The following MTM1 variants were observed in gnomAD, a reference collection of about 807,000 sequenced individuals.
The protein encoded by MTM1 is myotubularin 1, also known as myotubularin.
MTM1 carries 9 observed loss-of-function variants against 52.1 expected under a neutral mutation model. The ratio of observed to expected loss-of-function variants is 0.17; its 90% confidence interval spans 0.10 to 0.30. The LOEUF is 0.30. Among genes scored for constraint, MTM1 ranks in the 10% least tolerant of loss-of-function variants. The pLI, the probability that MTM1 is intolerant of heterozygous loss-of-function variation, is 1.00. For synonymous variants in MTM1, 136 were observed against 163.8 expected, an observed-to-expected ratio of 0.83 and a Z score of 1.29; for missense variants, 277 against 470.7, an observed-to-expected ratio of 0.59 and a Z score of 3.81.
At chrX:150,582,172 T>A (rs1375233729) in intron 1 of MTM1, among the ~76,000 whole-genome samples, 2 of 111,609 alleles carry the variant, frequency 1.8e-5, no homozygotes, top group Non-Finnish European at 3.8e-5. Context: ...AGCTGCCCAC[T>A]ATATAGTTAC....
At position 150,641,012 on chromosome X, in the gene MTM1, C is replaced by G. The variant is rs55824675; in HGVS notation, c.529-257C>G. ...TATGTGGACACAAAATAAAGGAAGA[C>G]GAATTCCTTTGAATTCAAGAGAATC... On this transcript the variant is annotated intron_variant, in intron 7 of 14. Transcript: ENST00000370396. Among the ~76,000 whole-genome samples the G allele has an allele frequency of 0.059, 6,627 of 111,587 alleles. 163 individuals are homozygous for G. Among genetic ancestry groups the G allele is most frequent in the Non-Finnish European group, 0.078 (4,143 of 53,041 alleles).
chrX:150,639,087 A>AC, intron 7 of MTM1, 61 bp downstream of exon 7: 3 of 891,754 alleles, frequency 3.4e-6, no homozygotes, highest in Non-Finnish European at 5.0e-6. Flanking sequence ...TTATGACAGT[A>AC]TGTCATCAGC....
chrX:150,589,686 C>T (rs1310160835), intron 1 of MTM1, among the ~76,000 whole-genome samples: 1 of 109,872 alleles, frequency 9.1e-6, no homozygotes, highest in Non-Finnish European at 1.9e-5. Context: ...CTTGTACACA[C>T]CTGTCTAGTA....
At chrX:150,645,062 C>G (rs1386731419) in intron 8 of MTM1, among the ~76,000 whole-genome samples, 1 of 111,918 alleles carries the variant, frequency 8.9e-6, no homozygotes, top group African/African-American at 3.2e-5. Context: ...AGCAAATGTG[C>G]TAGACTTGTG....
chrX:150,628,015 C>T (rs2039599613), intron 6 of MTM1, among the ~76,000 whole-genome samples: 1 of 111,373 alleles, frequency 9.0e-6, no homozygotes, highest in Non-Finnish European at 1.9e-5. Context: ...ATAATCTAGA[C>T]AGGAAGGTTC....
At chrX:150,616,163 C>T (rs781979118) in intron 5 of MTM1, among the ~76,000 whole-genome samples, 2 of 111,556 alleles carry the variant, frequency 1.8e-5, no homozygotes, top group Admixed American at 9.5e-5. Context: ...ACATTTTCAC[C>T]CTTGACTATT....
chrX:150,574,880 T>G (rs1053007144), intron 1 of MTM1, among the ~76,000 whole-genome samples: 4 of 112,060 alleles, frequency 3.6e-5, no homozygotes, highest in Non-Finnish European at 7.5e-5. Context: ...ACATCAGGTC[T>G]CATATGAATC....
intron 6 of MTM1, among the ~76,000 whole-genome samples, chrX:150,624,877 C>G (rs1352491623): frequency 8.9e-6 from 1 of 112,347 alleles, no homozygotes. Context: ...AATATAGTCA[C>G]TTAAATCTGC....
chrX:150,586,706 G>C (rs1301855628), intron 1 of MTM1, among the ~76,000 whole-genome samples: 1 of 110,676 alleles, frequency 9.0e-6, no homozygotes. Context: ...TTGAGGTCAG[G>C]GGTTCAAGAC....
chrX:150,659,336 A>G (rs1311702621), intron 11 of MTM1, among the ~76,000 whole-genome samples: 4 of 112,091 alleles, frequency 3.6e-5, no homozygotes, highest in African/African-American at 1.3e-4. Flanking sequence ...TTGCTAACAT[A>G]CTATGTAGGA....
chrX:150,663,661 A>G, intron 14 of MTM1, 52 bp downstream of exon 14: 5 of 1,093,596 alleles, frequency 4.6e-6, no homozygotes, highest in Non-Finnish European at 6.3e-6. Context: ...CTTGCCTTAG[A>G]TAATGTTATT....
At chrX:150,611,464 T>C (rs1397307595) in intron 4 of MTM1, among the ~76,000 whole-genome samples, 3 of 112,192 alleles carry the variant, frequency 2.7e-5, no homozygotes, top group Admixed American at 9.4e-5. Flanking sequence ...CTCTACATTA[T>C]GATAATTATA....
At chrX:150,591,144 T>C (rs2038877841) in intron 1 of MTM1, 1 of 358,068 alleles carries the variant, frequency 2.8e-6, no homozygotes, top group Non-Finnish European at 3.6e-6. Context: ...AATTTTGCAT[T>C]GTGCTACCTG....
intron 10 of MTM1, among the ~76,000 whole-genome samples, chrX:150,651,525 T>C (rs1366526115): frequency 4.8e-5 from 5 of 104,911 alleles, no homozygotes; most frequent in African/African-American, 1.8e-4. Context: ...TTGGTGAGGA[T>C]GACAAATTCA....
chrX:150,578,131 A>G (rs2038505286), intron 1 of MTM1, among the ~76,000 whole-genome samples: 1 of 111,980 alleles, frequency 8.9e-6, no homozygotes, highest in Admixed American at 9.5e-5. Context: ...TCAGCACAAA[A>G]CCCTTAAAAG....
chrX:150,654,652 G>C (rs782185729), intron 10 of MTM1, among the ~76,000 whole-genome samples: 2 of 111,370 alleles, frequency 1.8e-5, no homozygotes, highest in Non-Finnish European at 3.8e-5. Context: ...AAATGTACAG[G>C]TATGTCACAT....
At chrX:150,666,553 A>G (rs1263230057) in intron 14 of MTM1, among the ~76,000 whole-genome samples, 4 of 111,937 alleles carry the variant, frequency 3.6e-5, no homozygotes, top group Non-Finnish European at 7.5e-5. Context: ...TTTGGAGGAG[A>G]ATATCAAGGA....
At chrX:150,601,284 T>C (rs2039062934) in intron 4 of MTM1, among the ~76,000 whole-genome samples, 1 of 111,515 alleles carries the variant, frequency 9.0e-6, no homozygotes, top group African/African-American at 3.3e-5. Context: ...TTAGTCCAAG[T>C]ATAAAAGCAA....
intron 1 of MTM1, among the ~76,000 whole-genome samples, chrX:150,579,341 A>G (rs1408564723): frequency 5.4e-5 from 6 of 111,502 alleles, no homozygotes; most frequent in Non-Finnish European, 1.1e-4. Flanking sequence ...GGCATGAGCC[A>G]CCACGCCTGG....
Sources: gnomAD v4.1 joint callset for allele counts (sites outside exome capture counted in the v4.1 genomes callset) on GRCh38, gnomAD v4.1.1 for gene constraint, MANE v1.5 for transcripts, NCBI Gene and HGNC (gene_info 2026-07-23, HGNC 2026-07-21) for gene names.